Variants in LINGO1 observed in about 807,000 individuals in gnomAD.
The protein encoded by LINGO1 is leucine rich repeat and Ig domain containing 1.
Under a neutral mutation model 37.3 loss-of-function variants are expected in LINGO1, and 11 were observed. The observed-to-expected ratio is 0.29, with a 90% CI of 0.19 to 0.49. LINGO1 has a LOEUF of 0.49. Ranked by LOEUF, LINGO1 falls within the 20% of genes least tolerant of loss-of-function variation. LINGO1 has a pLI of 0.99. For missense variants in LINGO1, 585 were observed against 878.2 expected (o/e 0.67, Z 4.22); for synonymous variants, 387 against 403.0 (o/e 0.96, Z 0.48).
Position 77,656,917 on chromosome 15 carries a change from A to C in LINGO1, c.-13+20172T>G, listed in dbSNP as rs77021003. 2.9e-3 allele frequency among the ~76,000 whole-genome samples: 436 copies of C among 152,280 alleles called. 1 individual carries two copies. Among genetic ancestry groups the C allele is most frequent in the Non-Finnish European group, 4.5e-3 (309 of 68,016 alleles). On this transcript the variant is annotated intron_variant, in intron 3 of 3. Transcript: ENST00000559893. ...ATCCCAAGCTACTGCACAGGTGCCC[A>C]GCAGTCCTGGTCTCTGAGCTGTGCA...
intron 1 of LINGO1, among the ~76,000 whole-genome samples, chr15:77,744,461 G>A (rs1474426110): frequency 6.6e-6 from 1 of 152,152 alleles, no homozygotes; most frequent in Non-Finnish European, 1.5e-5. Flanking sequence ...CTGAGCCCGG[G>A]AGGTTGAGGC....
intron 1 of LINGO1, among the ~76,000 whole-genome samples, chr15:77,775,679 C>A (rs1450975016): frequency 2.6e-5 from 4 of 152,162 alleles, no homozygotes; most frequent in South Asian, 4.1e-4. Flanking sequence ...GCCTCCCATG[C>A]CTGAGCCGAG....
chr15:77,757,093 A>G (rs1345325693), intron 1 of LINGO1, among the ~76,000 whole-genome samples: 1 of 152,218 alleles, frequency 6.6e-6, no homozygotes, highest in African/African-American at 2.4e-5. Context: ...TGGAGGCCCT[A>G]CTGCCCCACT....
intron 1 of LINGO1, among the ~76,000 whole-genome samples, chr15:77,743,571 A>G (rs1449013151): frequency 1.3e-5 from 2 of 152,192 alleles, no homozygotes; most frequent in Non-Finnish European, 2.9e-5. Flanking sequence ...GTGGGCACAG[A>G]GTAGGGAATG....
intron 2 of LINGO1, among the ~76,000 whole-genome samples, chr15:77,719,208 G>A (rs1406110978): frequency 6.7e-6 from 1 of 150,076 alleles, no homozygotes; most frequent in Non-Finnish European, 1.5e-5. Context: ...AGGTTTGCCT[G>A]AGCCCCTCTG....
intron 1 of LINGO1, among the ~76,000 whole-genome samples, chr15:77,765,464 C>T (rs2076519086): frequency 6.6e-6 from 1 of 151,918 alleles, no homozygotes; most frequent in African/African-American, 2.4e-5. Context: ...AAGCCCCTCT[C>T]CTATTAACTG....
intron 1 of LINGO1, among the ~76,000 whole-genome samples, chr15:77,777,075 C>T (rs527789931): frequency 6.6e-6 from 1 of 152,330 alleles, no homozygotes; most frequent in East Asian, 1.9e-4. Flanking sequence ...CAGAGACGAC[C>T]CTCATTGCTG....
chr15:77,717,967 C>T (rs909359516), intron 2 of LINGO1, among the ~76,000 whole-genome samples: 5 of 151,016 alleles, frequency 3.3e-5, no homozygotes, highest in Middle Eastern at 3.4e-3. Context: ...CTGCTCCCTC[C>T]GCACAGGCAG....
chr15:77,705,383 G>A (rs1210991044), intron 2 of LINGO1, among the ~76,000 whole-genome samples: 4 of 152,160 alleles, frequency 2.6e-5, no homozygotes, highest in Non-Finnish European at 4.4e-5. Context: ...ACTCGTTCCC[G>A]GGGCTCACTG....
intron 1 of LINGO1, among the ~76,000 whole-genome samples, chr15:77,769,693 C>T (rs2076564871): frequency 6.6e-6 from 1 of 152,140 alleles, no homozygotes; most frequent in Non-Finnish European, 1.5e-5. Context: ...GATCCCCACT[C>T]GACAGTGCTG....
At chr15:77,778,728 G>A (rs575455527) in intron 1 of LINGO1, among the ~76,000 whole-genome samples, 77 of 152,210 alleles carry the variant, frequency 5.1e-4, no homozygotes, top group African/African-American at 1.8e-3. Context: ...ATCTCCCTCC[G>A]GGATTATTTC....
intron 1 of LINGO1, among the ~76,000 whole-genome samples, chr15:77,770,306 G>A (rs976028250): frequency 6.6e-6 from 1 of 152,196 alleles, no homozygotes; most frequent in African/African-American, 2.4e-5. Flanking sequence ...TGTGGCAACT[G>A]GCTGGGCGCG....
intron 1 of LINGO1, among the ~76,000 whole-genome samples, chr15:77,781,233 C>G (rs1379778445): frequency 6.6e-6 from 1 of 152,180 alleles, no homozygotes; most frequent in Non-Finnish European, 1.5e-5. Context: ...ATTTCTGGCT[C>G]CTGAGCACTG....
chr15:77,749,499 G>A (rs1442651189), intron 1 of LINGO1, among the ~76,000 whole-genome samples: 1 of 152,248 alleles, frequency 6.6e-6, no homozygotes, highest in African/African-American at 2.4e-5. Context: ...CTCAGCAGGG[G>A]CTACCAGCTT....
At chr15:77,701,497 T>C (rs1413706052) in intron 2 of LINGO1, among the ~76,000 whole-genome samples, 1 of 152,100 alleles carries the variant, frequency 6.6e-6, no homozygotes, top group Non-Finnish European at 1.5e-5. Flanking sequence ...AGGCTTGTGA[T>C]ATAGTTTGGG....
chr15:77,646,467 T>A (rs1466626691), intron 3 of LINGO1: 1 of 455,674 alleles, frequency 2.2e-6, no homozygotes, highest in African/African-American at 2.0e-5. Flanking sequence ...GTGTGACTCA[T>A]AGCAAAGTAA....
chr15:77,740,796 G>A (rs1240917747), intron 1 of LINGO1, among the ~76,000 whole-genome samples: 2 of 152,196 alleles, frequency 1.3e-5, no homozygotes, highest in Admixed American at 6.5e-5. Flanking sequence ...CCTAAAGACC[G>A]AGGCTGCCCA....
intron 2 of LINGO1, among the ~76,000 whole-genome samples, chr15:77,726,164 A>G (rs1036148949): frequency 6.6e-6 from 1 of 152,104 alleles, no homozygotes; most frequent in African/African-American, 2.4e-5. Flanking sequence ...ACCAGTGTCC[A>G]GTGTTGACCC....
chr15:77,646,780 G>T (rs1241155969), intron 3 of LINGO1, among the ~76,000 whole-genome samples: 1 of 152,200 alleles, frequency 6.6e-6, no homozygotes, highest in Non-Finnish European at 1.5e-5. Flanking sequence ...AGCCAGGGAG[G>T]GTGGGCTCTT....
Sources: allele counts gnomAD v4.1 joint callset (sites outside exome capture counted in the v4.1 genomes callset), GRCh38; gene constraint gnomAD v4.1.1; transcripts MANE v1.5; gene names NCBI Gene and HGNC (gene_info 2026-07-23, HGNC 2026-07-21).